Variants in ATP5F1A observed in about 807,000 individuals in gnomAD.
ATP5F1A encodes the protein ATP synthase F(1) complex subunit alpha, mitochondrial.
A neutral mutation model predicts 57.4 loss-of-function variants in ATP5F1A; 24 were observed. That is an observed-to-expected ratio of 0.42 (90% confidence interval 0.30 to 0.59). ATP5F1A has a LOEUF of 0.59. Ranked by LOEUF, ATP5F1A falls within the 20% of genes least tolerant of loss-of-function variation. The pLI is 0.19. For synonymous variants in ATP5F1A, 251 were observed against 255.5 expected, an observed-to-expected ratio of 0.98 and a Z score of 0.17; for missense variants, 494 against 707.9, an observed-to-expected ratio of 0.70 and a Z score of 3.43.
In ATP5F1A at chr18:46,098,225, A is replaced by G. The variant is rs758593789; in HGVS notation, c.7T>C (p.Ser3Pro). 86 of 1,606,664 alleles carry G rather than the reference A, an allele frequency of 5.4e-5. No individual in the cohort carries two copies. The highest frequency in any genetic ancestry group is 7.0e-5 in the Non-Finnish European group (82 of 1,179,126). ...ACCACGGCCGCAGCAACGCGCACGG[A>G]CAGCATCTTTGCAGTTACTCCGCAG... is the stretch of plus-strand genomic sequence containing the variant. ML[S>P]VRVAAAVVRA... Residue 3 changes from serine to proline, a missense_variant, in exon 1 of 12, where the codon TCC (serine) becomes CCC (proline). Transcript: ENST00000398752.
chr18:46,091,646 GA>G (rs756670541), intron 3 of ATP5F1A, 35 bp downstream of exon 3: 1 of 1,524,282 alleles, frequency 6.6e-7, no homozygotes, highest in Non-Finnish European at 8.8e-7. Context: ...AGAAGACTTA[GA>G]TCCTAAAACA....
At chr18:46,101,542 C>T (rs535075732), upstream of ATP5F1A, among the ~76,000 whole-genome samples, 5 of 151,920 alleles carry the variant, frequency 3.3e-5, no homozygotes, top group Admixed American at 6.6e-5. Flanking sequence ...GCCAAGATTG[C>T]GCCTCTGCAC....
At chr18:46,093,019 C>A in intron 2 of ATP5F1A, among the ~76,000 whole-genome samples, 1 of 151,860 alleles carries the variant, frequency 6.6e-6, no homozygotes, top group African/African-American at 2.4e-5. Flanking sequence ...CATGGTGGTG[C>A]ATGCCTGTAA....
At chr18:46,089,436 G>C in intron 5 of ATP5F1A, 130 bp downstream of exon 5, 1 of 1,176,510 alleles carries the variant, frequency 8.5e-7, no homozygotes, top group Middle Eastern at 2.9e-4. Context: ...CTTCCCAGCT[G>C]AAATTTTACT....
chr18:46,099,507 C>G (rs1911201418), upstream of ATP5F1A, among the ~76,000 whole-genome samples: 2 of 151,656 alleles, frequency 1.3e-5, no homozygotes, highest in African/African-American at 2.4e-5. Flanking sequence ...GGAAAGAGTG[C>G]AGTGGGTTTA....
intron 1 of ATP5F1A, among the ~76,000 whole-genome samples, chr18:46,096,641 A>C (rs907600532): frequency 1.3e-5 from 2 of 151,614 alleles, no homozygotes; most frequent in African/African-American, 4.9e-5. Flanking sequence ...TACAAGGGGC[A>C]AAACTCAAAG....
chr18:46,085,263 T>TA (rs1384101518), intron 10 of ATP5F1A: 1 of 134,354 alleles, frequency 7.4e-6, no homozygotes, highest in East Asian at 2.2e-4. Flanking sequence ...CCATTTCTAC[T>TA]AAAAATATAC....
rs986127300 is a variant in ATP5F1A at position 46,098,282 on chromosome 18, G to C, written c.-51C>G. On this transcript the variant is annotated 5_prime_UTR_variant, in exon 1 of 12. Coordinates refer to ENST00000398752, the MANE Select transcript of ATP5F1A (RefSeq NM_004046.6). ...CTTCTGCAGCCGCAGCCTCCGGACT[G>C]ACTGGGACAAAATGGCCGAGCCGCA... is the stretch of plus-strand genomic sequence containing the variant. The C allele has an allele frequency of 4.5e-6, 7 of 1,562,122 alleles. No individual in the cohort carries two copies. The African/African-American group carries it at 6.8e-5, about 15-fold the overall frequency.
At chr18:46,092,876 G>A (rs1470914208) in intron 2 of ATP5F1A, among the ~76,000 whole-genome samples, 2 of 152,070 alleles carry the variant, frequency 1.3e-5, no homozygotes, top group East Asian at 1.9e-4. Flanking sequence ...GGCCAGGCAC[G>A]GTAGATCATG....
chr18:46,102,815 G>A (rs965300828), upstream of ATP5F1A, among the ~76,000 whole-genome samples: 2 of 152,088 alleles, frequency 1.3e-5, no homozygotes, highest in African/African-American at 4.8e-5. Flanking sequence ...GGGTGTGGTG[G>A]TGCACGCCTA....
intron 6 of ATP5F1A, 124 bp from the exon 7 acceptor site, chr18:46,087,616 A>C: frequency 2.6e-6 from 3 of 1,142,722 alleles, no homozygotes; most frequent in African/African-American, 1.6e-5. Flanking sequence ...GCAGTGGCTC[A>C]TGCCTGTAAT....
chr18:46,091,253 C>T (rs1910531571), intron 3 of ATP5F1A, among the ~76,000 whole-genome samples: 1 of 152,224 alleles, frequency 6.6e-6, no homozygotes, highest in Non-Finnish European at 1.5e-5. Context: ...TAGAGAGCTT[C>T]TGATAGCTAC....
intron 10 of ATP5F1A, chr18:46,085,848 G>A (rs995854455): frequency 1.3e-5 from 5 of 392,054 alleles, no homozygotes; most frequent in East Asian, 4.8e-5. Flanking sequence ...CAGGAGAATC[G>A]CGTGAATCCA....
intron 1 of ATP5F1A, among the ~76,000 whole-genome samples, chr18:46,103,816 A>C (rs918937211): frequency 7.9e-5 from 12 of 151,922 alleles, no homozygotes; most frequent in African/African-American, 2.9e-4. Flanking sequence ...TGGGAGGCTG[A>C]GACAGAAGAA....
chr18:46,091,014 AATG>A (rs1242009640), intron 3 of ATP5F1A, among the ~76,000 whole-genome samples: 1 of 152,234 alleles, frequency 6.6e-6, no homozygotes, highest in East Asian at 1.9e-4. Flanking sequence ...TCTTACAGCT[AATG>A]ATAACTTTGG....
At chr18:46,095,024 G>A (rs745308865) in intron 2 of ATP5F1A, 29 bp downstream of exon 2, 3 of 1,591,116 alleles carry the variant, frequency 1.9e-6, no homozygotes, top group African/African-American at 1.4e-5. Context: ...TCTAGTAAGT[G>A]CGGCGTAGAC....
chr18:46,089,212 C>T (rs1314293892), intron 5 of ATP5F1A, among the ~76,000 whole-genome samples: 1 of 152,150 alleles, frequency 6.6e-6, no homozygotes, highest in Non-Finnish European at 1.5e-5. Flanking sequence ...TTTCTCTATA[C>T]TTTGTATCTG....
At chr18:46,098,113 G>A (rs761060052) in intron 1 of ATP5F1A, 59 bp downstream of exon 1, 2 of 1,545,134 alleles carry the variant, frequency 1.3e-6, no homozygotes, top group Admixed American at 2.0e-5. Context: ...CCGAGCCGGC[G>A]CACCACCACC....
At chr18:46,087,887 CAA>C (rs372348051) in intron 6 of ATP5F1A, 3 of 542,508 alleles carry the variant, frequency 5.5e-6, no homozygotes, top group South Asian at 5.1e-5. Context: ...TCTCAAACAA[CAA>C]AAAAAGAGTT....
Sources: allele counts gnomAD v4.1 joint callset (sites outside exome capture counted in the v4.1 genomes callset), GRCh38; gene constraint gnomAD v4.1.1; transcripts MANE v1.5; gene names NCBI Gene and HGNC (gene_info 2026-07-23, HGNC 2026-07-21).